The following TSPAN18 variants were observed in gnomAD, a reference collection of about 807,000 sequenced individuals.
TSPAN18 encodes the protein tetraspanin 18.
TSPAN18 carries 14 observed loss-of-function variants against 27.3 expected under a neutral mutation model. The ratio of observed to expected loss-of-function variants is 0.51; its 90% confidence interval spans 0.34 to 0.80. The LOEUF (loss-of-function observed/expected upper bound fraction) is 0.80. Ranked by LOEUF, TSPAN18 falls within the 30% of genes least tolerant of loss-of-function variation. TSPAN18 has a pLI of 0.01. For synonymous variants in TSPAN18, 143 were observed against 136.5 expected, an observed-to-expected ratio of 1.05 and a Z score of -0.33; for missense variants, 268 against 323.9, an observed-to-expected ratio of 0.83 and a Z score of 1.32.
chr11:44,919,299 C>T lies in TSPAN18; in HGVS notation c.419C>T (p.Ser140Leu), dbSNP rs377733819. ...GACGTCTTCTCTGCCACCTGGAACT[C>T]GGTCATGATCACAGTGAGTGACGCC... ...DTDVFSATWN[S>L]VMITFGCCGV... is the part of the protein sequence containing the mutation. Residue 140 changes from serine to leucine, a missense_variant, in exon 7 of 10, where the codon TCG (serine) becomes TTG (leucine). Coordinates refer to ENST00000520358, the MANE Select transcript of TSPAN18 (RefSeq NM_130783.5). 2.7e-5 allele frequency: 44 copies of T among 1,613,736 alleles called. No homozygotes were observed. Among genetic ancestry groups the T allele is most frequent in the East Asian group, 1.6e-4 (7 of 44,872 alleles).
At chr11:44,895,907 G>A (rs968135542) in intron 3 of TSPAN18, among the ~76,000 whole-genome samples, 3 of 152,196 alleles carry the variant, frequency 2.0e-5, no homozygotes, top group African/African-American at 7.2e-5. Context: ...GGCATGGGGT[G>A]CAGGCCCTGA....
intron 2 of TSPAN18, among the ~76,000 whole-genome samples, chr11:44,827,900 CA>C (rs1458115060): frequency 3.3e-5 from 5 of 152,344 alleles, no homozygotes; most frequent in African/African-American, 9.6e-5. Flanking sequence ...TCATCCTCTG[CA>C]GGCTGGGACA....
chr11:44,728,896 G>A (rs1002841273), intron 1 of TSPAN18, among the ~76,000 whole-genome samples: 6 of 152,236 alleles, frequency 3.9e-5, no homozygotes, highest in African/African-American at 1.4e-4. Flanking sequence ...GTGCAAAGGA[G>A]CAAATCATAG....
intron 2 of TSPAN18, among the ~76,000 whole-genome samples, chr11:44,797,011 G>C (rs1484577496): frequency 6.6e-6 from 1 of 152,002 alleles, no homozygotes; most frequent in Admixed American, 6.6e-5. Flanking sequence ...CCAACTTCAG[G>C]TATTACAGGA....
chr11:44,839,499 T>C (rs1448513872), intron 2 of TSPAN18, among the ~76,000 whole-genome samples: 1 of 152,080 alleles, frequency 6.6e-6, no homozygotes, highest in African/African-American at 2.4e-5. Flanking sequence ...CCTCCTGTCT[T>C]CCTCTGTCCC....
chr11:44,900,616 T>G (rs2135309248), intron 3 of TSPAN18, among the ~76,000 whole-genome samples: 1 of 151,722 alleles, frequency 6.6e-6, no homozygotes, highest in East Asian at 1.9e-4. Flanking sequence ...TGCCAGTGGT[T>G]ACTATTATTA....
chr11:44,897,251 C>T (rs892567237), intron 3 of TSPAN18, among the ~76,000 whole-genome samples: 1 of 152,124 alleles, frequency 6.6e-6, no homozygotes, highest in South Asian at 2.1e-4. Flanking sequence ...AAGGAACCTT[C>T]TCACAAATCC....
At chr11:44,745,900 G>A (rs1242131151) in intron 1 of TSPAN18, among the ~76,000 whole-genome samples, 26 of 152,148 alleles carry the variant, frequency 1.7e-4, no homozygotes, top group Non-Finnish European at 3.7e-4. Context: ...GGTTGCAGGC[G>A]CCTGTAGTCC....
intron 3 of TSPAN18, among the ~76,000 whole-genome samples, chr11:44,875,419 AGGCTAGG>A (rs1226919049): frequency 6.6e-6 from 1 of 152,190 alleles, no homozygotes; most frequent in Non-Finnish European, 1.5e-5. Flanking sequence ...GGGGCTTCGG[AGGCTAGG>A]GGCTGCCGAG....
chr11:44,870,276 A>G (rs1049468831), intron 3 of TSPAN18, among the ~76,000 whole-genome samples: 1 of 152,056 alleles, frequency 6.6e-6, no homozygotes, highest in Non-Finnish European at 1.5e-5. Context: ...CCGGGCCACC[A>G]CCAGTCTACT....
intron 2 of TSPAN18, among the ~76,000 whole-genome samples, chr11:44,840,416 T>A (rs745838104): frequency 3.9e-5 from 6 of 152,224 alleles, no homozygotes; most frequent in African/African-American, 9.6e-5. Flanking sequence ...AAAGCTGTTT[T>A]GGCAGGTGAT....
chr11:44,930,089 T>C lies in TSPAN18; in HGVS notation c.*911T>C, dbSNP rs1177051264. On this transcript the variant is annotated 3_prime_UTR_variant, in exon 10 of 10. Transcript: ENST00000520358. ...CTGAGTCCCCAGGAACACACAGAGG[T>C]GCACATCACATTCCCTTGTCCACAC... The C allele has an allele frequency of 6.6e-6, 1 of 152,272 alleles. No homozygotes were observed. The highest frequency in any genetic ancestry group is 1.5e-5 in the Non-Finnish European group (1 of 68,170). The allele number at this position is 152,272 out of a possible 1,614,324, so 9.4% of individuals were successfully genotyped here.
At chr11:44,862,302 C>T (rs1857917011) in intron 3 of TSPAN18, among the ~76,000 whole-genome samples, 1 of 152,220 alleles carries the variant, frequency 6.6e-6, no homozygotes, top group East Asian at 1.9e-4. Flanking sequence ...AGCAAATATT[C>T]CTCTGCAGAA....
chr11:44,800,006 G>GTTTTTTTTTTTTTTTTTTTTT (rs60067559), intron 2 of TSPAN18, among the ~76,000 whole-genome samples: 1 of 109,398 alleles, frequency 9.1e-6, no homozygotes, highest in Non-Finnish European at 1.8e-5. Context: ...AATTTTTTGT[G>GTTTTTTTTTTTTTTTTTTTTT]TTTTTTTTTT....
At chr11:44,735,762 G>A (rs1363462785) in intron 1 of TSPAN18, among the ~76,000 whole-genome samples, 1 of 152,028 alleles carries the variant, frequency 6.6e-6, no homozygotes. Context: ...GACTACAGGT[G>A]CCCACCACCA....
At chr11:44,792,879 G>C (rs1008621627) in intron 2 of TSPAN18, among the ~76,000 whole-genome samples, 2 of 152,208 alleles carry the variant, frequency 1.3e-5, no homozygotes, top group Non-Finnish European at 2.9e-5. Context: ...GAAATCCAGG[G>C]TTTGCAGGAG....
intron 2 of TSPAN18, among the ~76,000 whole-genome samples, chr11:44,819,039 GATTGTTTAGAACAT>G (rs1856871599): frequency 6.6e-6 from 1 of 152,218 alleles, no homozygotes; most frequent in South Asian, 2.1e-4. Flanking sequence ...CAGTTTCATG[GATTGTTTAGAACAT>G]TCCCTGGAAT....
rs1342554400 is a variant in TSPAN18 at position 44,909,436 on chromosome 11, T to G, written c.64-269T>G. 32 of 451,300 alleles carry G rather than the reference T, an allele frequency of 7.1e-5. No homozygotes were observed. The South Asian group carries it at 1.2e-3, about 17-fold the overall frequency. 28.0% of individuals were successfully genotyped at this position (451,300 alleles called of 1,614,324 possible). Reference sequence around the variant, plus strand: ...GAAGATAAAATTGGCAAATAGCCTTTATGTGATACAGCCCGAGGTGGGGCT... The same window carrying G: ...GAAGATAAAATTGGCAAATAGCCTTGATGTGATACAGCCCGAGGTGGGGCT... On this transcript the variant is annotated intron_variant, in intron 4 of 9. Transcript: ENST00000520358.
At chr11:44,765,389 C>T (rs192883009) in intron 2 of TSPAN18, among the ~76,000 whole-genome samples, 5 of 152,268 alleles carry the variant, frequency 3.3e-5, no homozygotes, top group East Asian at 1.9e-4. Context: ...GGGCAAAGGA[C>T]GATGGCTCCG....
Sources: allele counts gnomAD v4.1 joint callset (sites outside exome capture counted in the v4.1 genomes callset), GRCh38; gene constraint gnomAD v4.1.1; transcripts MANE v1.5; gene names NCBI Gene and HGNC (gene_info 2026-07-23, HGNC 2026-07-21).